ZYG11B: variants seen among roughly 807,000 people sequenced by gnomAD.
The protein encoded by ZYG11B is zyg-11 family member B, cell cycle regulator.
Under a neutral mutation model 82.4 loss-of-function variants are expected in ZYG11B, and 36 were observed. The ratio of observed to expected loss-of-function variants is 0.44; its 90% CI spans 0.33 to 0.58. ZYG11B has a LOEUF of 0.58. Ranked by LOEUF, ZYG11B falls within the 20% of genes least tolerant of loss-of-function variation. The probability of loss-of-function intolerance (pLI) is 0.02; values close to 1 mark genes in which losing one functional copy is unlikely to be tolerated. For synonymous variants in ZYG11B, 303 were observed against 312.8 expected, an observed-to-expected ratio of 0.97 and a Z score of 0.33; for missense variants, 552 against 895.6, an observed-to-expected ratio of 0.62 and a Z score of 4.90.
chr1:52,753,743 T>C (rs1262073448), intron 1 of ZYG11B, among the ~76,000 whole-genome samples: 1 of 148,332 alleles, frequency 6.7e-6, no homozygotes, highest in African/African-American at 2.5e-5. Context: ...ATTACAGGCA[T>C]GCACCACCAC....
chr1:52,751,450 T>G (rs1644523520), intron 1 of ZYG11B, among the ~76,000 whole-genome samples: 1 of 149,980 alleles, frequency 6.7e-6, no homozygotes, highest in South Asian at 2.2e-4. Flanking sequence ...GCCAACATGG[T>G]GAAACCCCGT....
intron 6 of ZYG11B, among the ~76,000 whole-genome samples, chr1:52,791,730 A>G (rs1644961979): frequency 6.6e-6 from 1 of 152,198 alleles, no homozygotes; most frequent in Non-Finnish European, 1.5e-5. Flanking sequence ...CTTATCTGGC[A>G]TGGCTAAGGA....
intron 6 of ZYG11B, among the ~76,000 whole-genome samples, chr1:52,791,436 T>G (rs545447694): frequency 2.0e-5 from 3 of 152,236 alleles, no homozygotes; most frequent in African/African-American, 7.2e-5. Flanking sequence ...TGGCGTGATC[T>G]CGGCTCACTG....
intron 3 of ZYG11B, among the ~76,000 whole-genome samples, chr1:52,776,248 A>ATATATATATATATATATATATATAT (rs1425431576): frequency 4.6e-4 from 44 of 94,738 alleles, no homozygotes; most frequent in Non-Finnish European, 8.0e-4. Flanking sequence ...ATATATATGC[A>ATATATATATATATATATATATATAT]ATAAAGTTGG....
intron 2 of ZYG11B, among the ~76,000 whole-genome samples, chr1:52,767,157 T>G (rs1644700736): frequency 7.6e-6 from 1 of 131,788 alleles, no homozygotes; most frequent in Non-Finnish European, 1.7e-5. Flanking sequence ...TTTGTTATTT[T>G]ATTTTATGTT....
Position 52,776,229 on chromosome 1 carries a change from A to ATATATATATATAT in ZYG11B, c.952-3624_952-3623insTATATATATATAT, listed in dbSNP as rs1553260250. ...AGCAAAACTCTGTCTTAAAAAAAAA[A>ATATATATATATAT]ATATATATATATATATGCAATAAAG... On this transcript the variant is annotated intron_variant, in intron 3 of 13. Transcript: ENST00000294353. 1.1e-3 allele frequency among the ~76,000 whole-genome samples: 25 copies of ATATATATATATAT among 23,540 alleles called. 3 individuals carry two copies. The highest frequency in any genetic ancestry group is 1.4e-3 in the Non-Finnish European group (12 of 8,662). 15.4% of individuals were successfully genotyped at this position (23,540 alleles called of 152,430 possible).
chr1:52,750,145 A>T (rs2149926223), intron 1 of ZYG11B, among the ~76,000 whole-genome samples: 1 of 151,736 alleles, frequency 6.6e-6, no homozygotes, highest in East Asian at 2.0e-4. Flanking sequence ...TCACCCAGGC[A>T]GTAGAGCAGT....
intron 3 of ZYG11B, among the ~76,000 whole-genome samples, chr1:52,774,274 G>A (rs921837729): frequency 6.6e-6 from 1 of 151,332 alleles, no homozygotes; most frequent in African/African-American, 2.4e-5. Flanking sequence ...CTGAGTAGCT[G>A]GGACCACAAG....
chr1:52,800,606 C>T (rs906600617), intron 8 of ZYG11B, among the ~76,000 whole-genome samples: 6 of 151,886 alleles, frequency 4.0e-5, no homozygotes, highest in Admixed American at 2.6e-4. Context: ...ATCAGGAGTT[C>T]GAGACCAGTG....
At chr1:52,776,689 C>G (rs1644813883) in intron 3 of ZYG11B, among the ~76,000 whole-genome samples, 1 of 151,894 alleles carries the variant, frequency 6.6e-6, no homozygotes, top group Non-Finnish European at 1.5e-5. Flanking sequence ...AGAATAAAGT[C>G]TGATTTAGAT....
intron 8 of ZYG11B, among the ~76,000 whole-genome samples, chr1:52,797,953 CCTT>C (rs1013532134): frequency 3.5e-4 from 53 of 151,084 alleles, no homozygotes; most frequent in African/African-American, 1.3e-3. Flanking sequence ...TAATGGGACT[CCTT>C]CTCTACCAAA....
At chr1:52,766,105 T>C (rs541276949) in intron 2 of ZYG11B, among the ~76,000 whole-genome samples, 1 of 143,506 alleles carries the variant, frequency 7.0e-6, no homozygotes, top group Admixed American at 6.7e-5. Flanking sequence ...TTTTTCCTTA[T>C]TAAATTTTTT....
intron 1 of ZYG11B, among the ~76,000 whole-genome samples, chr1:52,741,744 T>A (rs952618964): frequency 2.0e-5 from 3 of 152,172 alleles, no homozygotes; most frequent in Non-Finnish European, 2.9e-5. Context: ...CAGTTACTGT[T>A]CTTAGTGTGT....
At chr1:52,729,724 C>T (rs1056704606) in intron 1 of ZYG11B, among the ~76,000 whole-genome samples, 7 of 152,100 alleles carry the variant, frequency 4.6e-5, no homozygotes, top group African/African-American at 1.4e-4. Flanking sequence ...CCTGTAATCC[C>T]AGCTACTCGG....
chr1:52,797,653 C>T (rs1036288562), intron 8 of ZYG11B, among the ~76,000 whole-genome samples: 22 of 149,788 alleles, frequency 1.5e-4, no homozygotes, highest in Admixed American at 9.4e-4. Flanking sequence ...GGACTACAGG[C>T]GCCTGCCACC....
chr1:52,801,691 T>TA (rs370223490), intron 8 of ZYG11B, 128 bp from the exon 9 acceptor site: 1 of 715,856 alleles, frequency 1.4e-6, no homozygotes. Context: ...GGCTGTTTGT[T>TA]ATAAGTACCT....
intron 1 of ZYG11B, 122 bp downstream of exon 1, chr1:52,726,805 CCT>C (rs1644288174): frequency 1.1e-6 from 1 of 952,164 alleles, no homozygotes; most frequent in Non-Finnish European, 1.4e-6. Flanking sequence ...CCTGCCTTTA[CCT>C]CTCTCCCTCG....
At chr1:52,747,097 A>G (rs1326169800) in intron 1 of ZYG11B, among the ~76,000 whole-genome samples, 1 of 151,896 alleles carries the variant, frequency 6.6e-6, no homozygotes, top group African/African-American at 2.4e-5. Flanking sequence ...GAAGTTCTAC[A>G]AGAAAGTTGT....
In ZYG11B at chr1:52,801,885, T is replaced by G; in HGVS notation, c.1552T>G (p.Leu518Val). The change falls in exon 9 of 14, where the codon TTG becomes GTG. Residue 518 changes from leucine to valine, a missense_variant. This residue lies in a region of ZYG11B where 66 missense variants were observed against 176.4 expected (regional missense o/e 0.37). Coordinates refer to ENST00000294353, the MANE Select transcript of ZYG11B (RefSeq NM_024646.3). ...AGTGGACACTACATTGAAATTTACTTTGAGTGCACTTTGGAACCTCACAGA... is the reference window on the plus strand; with the variant it reads ...AGTGGACACTACATTGAAATTTACTGTGAGTGCACTTTGGAACCTCACAGA... ...NSVDTTLKFTLSALWNLTDES... is the reference protein window; with the variant it reads ...NSVDTTLKFTVSALWNLTDES... 1 of 1,612,978 alleles carries G rather than the reference T, an allele frequency of 6.2e-7. No individual in the cohort carries two copies. Among genetic ancestry groups the G allele is most frequent in the Non-Finnish European group, 8.5e-7 (1 of 1,179,442 alleles).
Sources: allele counts gnomAD v4.1 joint callset (sites outside exome capture counted in the v4.1 genomes callset), GRCh38; gene constraint gnomAD v4.1.1; regional missense constraint gnomAD v4.1.1; transcripts MANE v1.5; gene names NCBI Gene and HGNC (gene_info 2026-07-23, HGNC 2026-07-21).